Variants in DTNA observed in about 807,000 individuals in gnomAD.
The protein encoded by DTNA is dystrophin-related protein 3.
Under a neutral mutation model 100.7 loss-of-function variants are expected in DTNA, and 43 were observed. That is an observed-to-expected ratio of 0.43 (90% CI 0.33 to 0.55). DTNA has a LOEUF of 0.55. Among genes scored for constraint, DTNA ranks in the 20% least tolerant of loss-of-function variants. DTNA has a pLI of 0.04. For missense variants in DTNA, 798 were observed against 953.9 expected (o/e 0.84, Z 2.15); for synonymous variants, 349 against 347.9 (o/e 1.00, Z -0.04).
rs2096947574 is a variant in DTNA, at chr18:34,889,090, G to A, written c.*1356G>A. On this transcript the variant is annotated 3_prime_UTR_variant, in exon 23 of 23. Transcript: ENST00000444659. ...AAAGACCTCCTTTGGGAATTCTGGG[G>A]AAAAAGAAAAAGTAATCTTCTACTT... 3 of 985,074 alleles carry A rather than the reference G, an allele frequency of 3.0e-6. No individual in the cohort carries two copies. The highest frequency in any genetic ancestry group is 3.6e-6 in the Non-Finnish European group (3 of 829,888). 61.0% of individuals were successfully genotyped at this position (985,074 alleles called of 1,614,324 possible).
At chr18:34,875,670 C>A (rs764269760) in intron 18 of DTNA, among the ~76,000 whole-genome samples, 31 of 152,152 alleles carry the variant, frequency 2.0e-4, no homozygotes, top group Admixed American at 4.6e-4. Context: ...TTCACCAATA[C>A]CCCCAGAAAA....
intron 17 of DTNA, among the ~76,000 whole-genome samples, chr18:34,872,999 G>A (rs183270808): frequency 6.6e-6 from 1 of 152,258 alleles, no homozygotes; most frequent in Admixed American, 6.5e-5. Flanking sequence ...GCCTCAGTTT[G>A]CTAATATATA....
chr18:34,863,032 G>C (rs1445514704), intron 16 of DTNA, among the ~76,000 whole-genome samples: 1 of 152,122 alleles, frequency 6.6e-6, no homozygotes, highest in Non-Finnish European at 1.5e-5. Flanking sequence ...TGCAGTTTTA[G>C]TATGTAAGTA....
At chr18:34,517,084 GTTC>G (rs1423581243) in intron 1 of DTNA, among the ~76,000 whole-genome samples, 1 of 152,042 alleles carries the variant, frequency 6.6e-6, no homozygotes, top group Non-Finnish European at 1.5e-5. Flanking sequence ...CACAATTTAT[GTTC>G]TTCTGCCATG....
chr18:34,583,325 C>T (rs893606966), intron 1 of DTNA, among the ~76,000 whole-genome samples: 3 of 152,086 alleles, frequency 2.0e-5, no homozygotes, highest in East Asian at 1.9e-4. Flanking sequence ...ATGTTGCCCC[C>T]GTTGGCCCCC....
At chr18:34,821,901 G>A (rs777004346) in intron 9 of DTNA, among the ~76,000 whole-genome samples, 4 of 152,182 alleles carry the variant, frequency 2.6e-5, no homozygotes, top group African/African-American at 9.7e-5. Flanking sequence ...TGAGACCTTC[G>A]TGGAAGCAGC....
chr18:34,568,450 AT>A (rs1206303516), intron 1 of DTNA, among the ~76,000 whole-genome samples: 1 of 151,888 alleles, frequency 6.6e-6, no homozygotes, highest in Non-Finnish European at 1.5e-5. Flanking sequence ...ATTCCCTACA[AT>A]TTCCCATCTG....
chr18:34,860,225 T>TTG, intron 16 of DTNA, among the ~76,000 whole-genome samples: 1 of 129,206 alleles, frequency 7.7e-6, no homozygotes, highest in South Asian at 2.6e-4. Context: ...TTTTTGTTTT[T>TTG]TTTTTTTTTT....
intron 15 of DTNA, among the ~76,000 whole-genome samples, chr18:34,857,670 G>A (rs975689019): frequency 3.3e-5 from 5 of 151,984 alleles, no homozygotes; most frequent in African/African-American, 1.2e-4. Flanking sequence ...TCCTTCTAAG[G>A]TGGACTTCCC....
At chr18:34,504,218 A>G (rs2040255605) in intron 1 of DTNA, 1 of 151,924 alleles carries the variant, frequency 6.6e-6, no homozygotes, top group Non-Finnish European at 1.5e-5. Context: ...TCATATACAC[A>G]TAATTTATCA....
chr18:34,505,403 A>C (rs1283184009), intron 1 of DTNA, among the ~76,000 whole-genome samples: 2 of 152,200 alleles, frequency 1.3e-5, no homozygotes, highest in Non-Finnish European at 2.9e-5. Flanking sequence ...CACATCTACC[A>C]AATCTCTTTT....
At chr18:34,570,916 C>T (rs1046274310) in intron 1 of DTNA, among the ~76,000 whole-genome samples, 1 of 152,164 alleles carries the variant, frequency 6.6e-6, no homozygotes, top group Non-Finnish European at 1.5e-5. Context: ...GAAAGAAGTA[C>T]TGAAAAGAAA....
chr18:34,716,580 G>GA (rs915198373), intron 1 of DTNA, among the ~76,000 whole-genome samples: 7 of 151,890 alleles, frequency 4.6e-5, no homozygotes, highest in Admixed American at 3.9e-4. Flanking sequence ...AAGAAAGAAA[G>GA]AAAAAAAGCT....
In DTNA at chr18:34,889,129, A is replaced by AC; in HGVS notation, c.*1395_*1396insC. The stretch of plus-strand genomic sequence containing the variant: ...AATCTTCTACTTGCTTCAAGATTTG[A>AC]TTTTTTTAAAAAAGCCTGCGACCTA... On this transcript the variant is annotated 3_prime_UTR_variant, in exon 23 of 23. Transcript: ENST00000444659. The AC allele has an allele frequency of 1.0e-6, 1 of 966,152 alleles. No individual in the cohort carries two copies. The allele number at this position is 966,152 out of a possible 1,614,324, so 59.8% of individuals were successfully genotyped here.
intron 13 of DTNA, among the ~76,000 whole-genome samples, chr18:34,839,968 G>A (rs540687293): frequency 3.9e-5 from 6 of 152,138 alleles, no homozygotes; most frequent in South Asian, 4.2e-4. Flanking sequence ...GTTATTAGCC[G>A]CTTTGTTTCT....
At chr18:34,754,185 G>A (rs2092611053) in intron 1 of DTNA, among the ~76,000 whole-genome samples, 1 of 152,016 alleles carries the variant, frequency 6.6e-6, no homozygotes, top group African/African-American at 2.4e-5. Context: ...AAAGCATCTG[G>A]TCAGGCTACT....
intron 1 of DTNA, among the ~76,000 whole-genome samples, chr18:34,755,120 G>T (rs1273585301): frequency 6.6e-6 from 1 of 152,130 alleles, no homozygotes; most frequent in Non-Finnish European, 1.5e-5. Flanking sequence ...AGGAAACTTT[G>T]GTTTTTGAAA....
At chr18:34,625,856 A>G (rs12709676) in intron 1 of DTNA, among the ~76,000 whole-genome samples, 10,197 of 152,234 alleles carry the variant, frequency 0.067, 421 homozygotes, top group African/African-American at 0.079. Flanking sequence ...GAATGAAGGC[A>G]GAATTGACTA....
chr18:34,804,949 A>G (rs2095323194), intron 4 of DTNA, among the ~76,000 whole-genome samples: 1 of 152,176 alleles, frequency 6.6e-6, no homozygotes, highest in African/African-American at 2.4e-5. Flanking sequence ...AACCACGATT[A>G]TTTATATCTT....
Sources: gnomAD v4.1 joint callset for allele counts (sites outside exome capture counted in the v4.1 genomes callset) on GRCh38, gnomAD v4.1.1 for gene constraint, MANE v1.5 for transcripts, NCBI Gene and HGNC (gene_info 2026-07-23, HGNC 2026-07-21) for gene names.